The following TMEM108 variants were observed in gnomAD, a reference collection of about 807,000 sequenced individuals.
TMEM108 encodes transmembrane protein 108, also known as cancer/testis antigen 124.
A neutral mutation model predicts 35.1 loss-of-function variants in TMEM108; 12 were observed. That is an observed-to-expected ratio of 0.34 (90% CI 0.22 to 0.55). The LOEUF is 0.55. TMEM108 is among the 20% of genes least tolerant of loss of function. The pLI is 0.89. For synonymous variants in TMEM108, 287 were observed against 308.6 expected (o/e 0.93, Z 0.73); for missense variants, 680 against 753.3 (o/e 0.90, Z 1.14).
chr3:133,116,542 T>C (rs1429029846), intron 2 of TMEM108, among the ~76,000 whole-genome samples: 1 of 152,186 alleles, frequency 6.6e-6, no homozygotes, highest in African/African-American at 2.4e-5. Context: ...TATGCTTTTT[T>C]TGTACCCTGG....
chr3:133,372,735 C>G (rs1042425540), intron 3 of TMEM108, among the ~76,000 whole-genome samples: 2 of 152,188 alleles, frequency 1.3e-5, no homozygotes, highest in Non-Finnish European at 2.9e-5. Context: ...CCAGTTAGCT[C>G]TAAGCAGAAC....
At chr3:133,130,886 C>A (rs76918630) in intron 2 of TMEM108, among the ~76,000 whole-genome samples, 2,488 of 152,282 alleles carry the variant, frequency 0.016, 81 homozygotes, top group African/African-American at 0.057. Context: ...ATTTAACTGA[C>A]ATAACTTATA....
intron 2 of TMEM108, among the ~76,000 whole-genome samples, chr3:133,167,014 C>T (rs977195220): frequency 1.2e-4 from 19 of 152,190 alleles, no homozygotes; most frequent in African/African-American, 3.9e-4. Flanking sequence ...CTCCAAGTCC[C>T]CACTAGATTA....
chr3:133,220,495 A>G (rs1001121092), intron 2 of TMEM108, among the ~76,000 whole-genome samples: 1 of 152,134 alleles, frequency 6.6e-6, no homozygotes, highest in Non-Finnish European at 1.5e-5. Context: ...AATTATTGAT[A>G]AGGACTTTTT....
intron 2 of TMEM108, among the ~76,000 whole-genome samples, chr3:133,063,532 G>A (rs568360100): frequency 6.6e-6 from 1 of 152,258 alleles, no homozygotes; most frequent in South Asian, 2.1e-4. Flanking sequence ...ACAGCACAGG[G>A]AAAGGGTTTC....
At chr3:133,356,048 A>G (rs1006464018) in intron 3 of TMEM108, among the ~76,000 whole-genome samples, 4 of 152,180 alleles carry the variant, frequency 2.6e-5, no homozygotes, top group Non-Finnish European at 5.9e-5. Flanking sequence ...GTGTTCTCCA[A>G]TGATATGATC....
At chr3:133,077,084 G>T (rs1033196255) in intron 2 of TMEM108, among the ~76,000 whole-genome samples, 2 of 152,204 alleles carry the variant, frequency 1.3e-5, no homozygotes, top group African/African-American at 4.8e-5. Flanking sequence ...GGAGGGCAAG[G>T]CTCCAGTTGT....
At chr3:133,128,058 T>G (rs1388433339) in intron 2 of TMEM108, among the ~76,000 whole-genome samples, 1 of 152,206 alleles carries the variant, frequency 6.6e-6, no homozygotes, top group African/African-American at 2.4e-5. Context: ...TTAAGAAATA[T>G]CAGGTGGATG....
At chr3:133,049,456 T>C (rs902387961) in intron 2 of TMEM108, among the ~76,000 whole-genome samples, 2 of 152,186 alleles carry the variant, frequency 1.3e-5, no homozygotes, top group African/African-American at 4.8e-5. Flanking sequence ...TGAAGACCCC[T>C]GTTTGTCAGA....
At chr3:133,042,552 T>G (rs1453453133) in intron 1 of TMEM108, among the ~76,000 whole-genome samples, 1 of 152,260 alleles carries the variant, frequency 6.6e-6, no homozygotes, top group Non-Finnish European at 1.5e-5. Flanking sequence ...AAGTTATTTC[T>G]GAAGACTAAA....
intron 2 of TMEM108, among the ~76,000 whole-genome samples, chr3:133,139,241 A>G (rs1221618700): frequency 1.3e-5 from 2 of 152,204 alleles, no homozygotes; most frequent in Admixed American, 6.5e-5. Context: ...ATGTGTCTTT[A>G]TAGTAGAATG....
At chr3:133,278,769 T>C (rs1946871336) in intron 3 of TMEM108, among the ~76,000 whole-genome samples, 2 of 152,164 alleles carry the variant, frequency 1.3e-5, no homozygotes, top group Admixed American at 6.5e-5. Context: ...ATGGAGACAA[T>C]TGGTAAACTG....
chr3:133,078,399 T>C (rs1160104303), intron 2 of TMEM108, among the ~76,000 whole-genome samples: 3 of 152,068 alleles, frequency 2.0e-5, no homozygotes, highest in Non-Finnish European at 4.4e-5. Context: ...CTGATACCCT[T>C]GTGGCAATCA....
intron 2 of TMEM108, among the ~76,000 whole-genome samples, chr3:133,165,709 C>T (rs141580819): frequency 2.0e-5 from 3 of 152,148 alleles, no homozygotes; most frequent in Non-Finnish European, 2.9e-5. Flanking sequence ...AGACCCACTT[C>T]GGAGGAGGTG....
intron 4 of TMEM108, chr3:133,389,701 GA>G (rs1278952986): frequency 1.5e-3 from 149 of 99,260 alleles, no homozygotes; most frequent in East Asian, 0.014. Flanking sequence ...AAAAAAAAAA[GA>G]AAAAAAAAAA....
In TMEM108 at chr3:133,057,269, TCTTA is replaced by T. The variant is rs923820016; in HGVS notation, c.-47+11252_-47+11255del. Among the ~76,000 whole-genome samples the T allele has an allele frequency of 3.9e-5, 6 of 152,136 alleles. No individual in the cohort carries two copies. The East Asian group carries it at 5.8e-4, about 15-fold the overall frequency. On this transcript the variant is annotated intron_variant, in intron 2 of 5. Transcript: ENST00000321871. ...TCTCAGACGACCACCTTCTTTCCCT[TCTTA>T]CTATTTCTTACTCCCTTTTCTCTAT...
intron 3 of TMEM108, among the ~76,000 whole-genome samples, chr3:133,313,070 A>G (rs2071154033): frequency 6.6e-6 from 1 of 152,116 alleles, no homozygotes; most frequent in African/African-American, 2.4e-5. Flanking sequence ...TAGGACCACA[A>G]AATTTACTTA....
intron 2 of TMEM108, among the ~76,000 whole-genome samples, chr3:133,213,087 A>G (rs1424792808): frequency 6.6e-6 from 1 of 152,124 alleles, no homozygotes; most frequent in African/African-American, 2.4e-5. Context: ...AGAGACATTC[A>G]TATTTGCCTA....
intron 2 of TMEM108, among the ~76,000 whole-genome samples, chr3:133,171,478 G>A (rs1945130246): frequency 6.6e-6 from 1 of 152,186 alleles, no homozygotes; most frequent in South Asian, 2.1e-4. Context: ...CTGGACTCAA[G>A]TGATTCTCCT....
Sources: gnomAD v4.1 joint callset for allele counts (sites outside exome capture counted in the v4.1 genomes callset) on GRCh38, gnomAD v4.1.1 for gene constraint, MANE v1.5 for transcripts, NCBI Gene and HGNC (gene_info 2026-07-23, HGNC 2026-07-21) for gene names.